CEP85L: variants seen among roughly 807,000 people sequenced by gnomAD.
CEP85L encodes the protein centrosomal protein of 85 kDa-like.
A neutral mutation model predicts 100.3 loss-of-function variants in CEP85L; 60 were observed. The observed-to-expected ratio is 0.60, with a 90% CI of 0.49 to 0.74. The LOEUF is 0.74. Ranked by LOEUF, CEP85L falls within the 30% of genes least tolerant of loss-of-function variation. The pLI is 0.00. For synonymous variants in CEP85L, 319 were observed against 322.7 expected (o/e 0.99, Z 0.12); for missense variants, 973 against 936.2 (o/e 1.04, Z -0.51).
chr6:118,660,633 A>G (rs549120235), intron 1 of CEP85L, among the ~76,000 whole-genome samples: 2 of 152,244 alleles, frequency 1.3e-5, no homozygotes, highest in African/African-American at 2.4e-5. Context: ...AAAGTACTTC[A>G]TACTTATTTC....
intron 1 of CEP85L, among the ~76,000 whole-genome samples, chr6:118,648,870 C>T (rs1426867564): frequency 2.0e-5 from 3 of 151,650 alleles, no homozygotes; most frequent in East Asian, 1.9e-4. Context: ...TTAAGATAAA[C>T]TCATTTTAAT....
chr6:118,561,250 T>C (rs1779206762), intron 3 of CEP85L, among the ~76,000 whole-genome samples: 1 of 152,218 alleles, frequency 6.6e-6, no homozygotes, highest in Non-Finnish European at 1.5e-5. Flanking sequence ...CTGGTTTTAG[T>C]AAATTACCAA....
chr6:118,548,454 A>C (rs1357923464), intron 3 of CEP85L: 1 of 152,076 alleles, frequency 6.6e-6, no homozygotes, highest in African/African-American at 2.4e-5. Flanking sequence ...AATTCCTATA[A>C]TTTCTATAAT....
chr6:118,609,088 T>C (rs953178493), intron 2 of CEP85L, among the ~76,000 whole-genome samples: 2 of 152,208 alleles, frequency 1.3e-5, no homozygotes, highest in African/African-American at 4.8e-5. Flanking sequence ...AAATCCAATA[T>C]ATAGATGTTT....
chr6:118,690,649 T>C (rs1328611462), intron 1 of CEP85L, among the ~76,000 whole-genome samples: 1 of 152,252 alleles, frequency 6.6e-6, no homozygotes, highest in African/African-American at 2.4e-5. Flanking sequence ...CCAAAGCTGC[T>C]GGTGGCCATT....
At chr6:118,592,053 A>C (rs1467041676) in intron 2 of CEP85L, among the ~76,000 whole-genome samples, 1 of 152,202 alleles carries the variant, frequency 6.6e-6, no homozygotes, top group Non-Finnish European at 1.5e-5. Flanking sequence ...ACCATCTATA[A>C]ATAAAGAACT....
chr6:118,685,749 C>T (rs1776808159), intron 1 of CEP85L, among the ~76,000 whole-genome samples: 1 of 150,618 alleles, frequency 6.6e-6, no homozygotes, highest in Non-Finnish European at 1.5e-5. Flanking sequence ...ATGGAACAAA[C>T]ATAAAGAAAG....
intron 3 of CEP85L, chr6:118,560,439 C>T (rs1009017393): frequency 1.8e-5 from 3 of 166,874 alleles, no homozygotes; most frequent in Admixed American, 6.6e-5. Flanking sequence ...AGTCTTCATT[C>T]TCATTGTCTT....
intron 12 of CEP85L, among the ~76,000 whole-genome samples, chr6:118,468,565 A>G (rs1047553314): frequency 4.6e-5 from 7 of 152,206 alleles, no homozygotes; most frequent in Non-Finnish European, 7.3e-5. Flanking sequence ...TGGGTGTCAC[A>G]TTAAGCCAGC....
intron 2 of CEP85L, among the ~76,000 whole-genome samples, chr6:118,570,557 G>C (rs758986390): frequency 4.2e-4 from 64 of 152,222 alleles, no homozygotes; most frequent in Non-Finnish European, 7.2e-4. Flanking sequence ...GCTGTCCATA[G>C]ACTATGATAC....
chr6:118,577,097 C>T (rs1457153774), intron 2 of CEP85L, among the ~76,000 whole-genome samples: 2 of 152,134 alleles, frequency 1.3e-5, no homozygotes, highest in Non-Finnish European at 2.9e-5. Flanking sequence ...CAGGTCGGCC[C>T]CTGAGGGCTA....
At chr6:118,484,301 G>C (rs1264824817) in intron 6 of CEP85L, among the ~76,000 whole-genome samples, 2 of 152,210 alleles carry the variant, frequency 1.3e-5, no homozygotes, top group Admixed American at 1.3e-4. Flanking sequence ...GGGTGATAGA[G>C]CGAGACTTTG....
intron 2 of CEP85L, among the ~76,000 whole-genome samples, chr6:118,571,783 A>G (rs1490063528): frequency 1.3e-5 from 2 of 152,210 alleles, no homozygotes; most frequent in East Asian, 3.8e-4. Flanking sequence ...CTTATCAGTC[A>G]ACATAAAATA....
At chr6:118,568,138 A>G (rs1384729965) in intron 2 of CEP85L, among the ~76,000 whole-genome samples, 1 of 152,198 alleles carries the variant, frequency 6.6e-6, no homozygotes, top group Non-Finnish European at 1.5e-5. Context: ...GCAACAGCAG[A>G]GGCATCACCT....
rs981117883 is a variant in CEP85L, at chr6:118,465,084, A to G, written c.*321T>C. The G allele has an allele frequency of 4.3e-6, 1 of 233,508 alleles. No homozygotes were observed. Among genetic ancestry groups the G allele is most frequent in the Non-Finnish European group, 8.4e-6 (1 of 119,678 alleles). 14.5% of individuals were successfully genotyped at this position (233,508 alleles called of 1,614,324 possible). On this transcript the variant is annotated 3_prime_UTR_variant, in exon 13 of 13. Transcript: ENST00000368491. ...TGCACACACAAACACACAAAGCTATAGGATTAAAAGGAATCCTACTCCTTC... is the reference window on the plus strand; with the variant it reads ...TGCACACACAAACACACAAAGCTATGGGATTAAAAGGAATCCTACTCCTTC...
At chr6:118,652,439 A>C (rs984975274), upstream of CEP85L, 6 of 1,183,908 alleles carry the variant, frequency 5.1e-6, no homozygotes, top group African/African-American at 9.7e-5. Context: ...TCCAACGTTT[A>C]GTTACGAACT....
At chr6:118,670,656 G>C (rs1776276881) in intron 1 of CEP85L, among the ~76,000 whole-genome samples, 1 of 152,156 alleles carries the variant, frequency 6.6e-6, no homozygotes, top group African/African-American at 2.4e-5. Flanking sequence ...ATGTTAAACT[G>C]ACCAAAACCT....
intron 2 of CEP85L, among the ~76,000 whole-genome samples, chr6:118,581,402 T>G (rs1334299413): frequency 6.6e-6 from 1 of 152,110 alleles, no homozygotes; most frequent in African/African-American, 2.4e-5. Context: ...CCTTCCCCAA[T>G]TACACAGTTT....
intron 1 of CEP85L, among the ~76,000 whole-genome samples, chr6:118,692,669 T>C (rs1312234192): frequency 9.8e-6 from 1 of 101,904 alleles, no homozygotes; most frequent in Non-Finnish European, 2.2e-5. Flanking sequence ...CAATGCTCAA[T>C]TTCTTTTAAT....
Sources: allele counts gnomAD v4.1 joint callset (sites outside exome capture counted in the v4.1 genomes callset), GRCh38; gene constraint gnomAD v4.1.1; transcripts MANE v1.5; gene names NCBI Gene and HGNC (gene_info 2026-07-23, HGNC 2026-07-21).